UBR3: variants seen among roughly 807,000 people sequenced by gnomAD.
UBR3 encodes the protein ubiquitin protein ligase E3 component n-recognin 3.
A neutral mutation model predicts 243.2 loss-of-function variants in UBR3; 85 were observed. The ratio of observed to expected loss-of-function variants is 0.35; its 90% CI spans 0.29 to 0.42. The LOEUF (loss-of-function observed/expected upper bound fraction) is 0.42, where lower values mean the gene tolerates loss of function less well. Among genes scored for constraint, UBR3 ranks in the 10% least tolerant of loss-of-function variants. The pLI is 1.00. For missense variants in UBR3, 1,686 were observed against 2,300.8 expected (o/e 0.73, Z 5.47); for synonymous variants, 748 against 799.8 (o/e 0.94, Z 1.09).
chr2:170,075,975 T>C (rs748860933), intron 36 of UBR3, among the ~76,000 whole-genome samples: 7 of 150,896 alleles, frequency 4.6e-5, no homozygotes, highest in Non-Finnish European at 7.4e-5. Flanking sequence ...ATTGAAGAGC[T>C]TAACTGTCAT....
chr2:169,945,190 G>A (rs1254257821), intron 20 of UBR3, among the ~76,000 whole-genome samples: 1 of 151,424 alleles, frequency 6.6e-6, no homozygotes, highest in Non-Finnish European at 1.5e-5. Context: ...AGGGCTAGGA[G>A]GGGCTCTATA....
intron 1 of UBR3, among the ~76,000 whole-genome samples, chr2:169,851,116 C>T (rs2082641980): frequency 6.6e-6 from 1 of 152,034 alleles, no homozygotes; most frequent in African/African-American, 2.4e-5. Flanking sequence ...TACCACCTTG[C>T]TAATTTTTTC....
intron 26 of UBR3, 130 bp downstream of exon 26, chr2:169,994,586 T>C (rs558764418): frequency 3.0e-5 from 29 of 972,650 alleles, no homozygotes; most frequent in Non-Finnish European, 4.3e-5. Context: ...AAAAAATTAA[T>C]ATGTGGATAG....
intron 24 of UBR3, among the ~76,000 whole-genome samples, chr2:169,985,526 C>T (rs566675781): frequency 4.1e-4 from 63 of 152,018 alleles, no homozygotes; most frequent in Non-Finnish European, 7.2e-4. Context: ...CCACCATGCC[C>T]GGCCTCATAT....
At chr2:170,023,656 G>C (rs1177505397) in intron 30 of UBR3, among the ~76,000 whole-genome samples, 2 of 151,734 alleles carry the variant, frequency 1.3e-5, no homozygotes, top group South Asian at 4.2e-4. Context: ...CCAGTGGTAC[G>C]GTCTTAGCTC....
intron 25 of UBR3, among the ~76,000 whole-genome samples, chr2:169,993,950 C>T (rs1439043184): frequency 1.3e-5 from 2 of 152,262 alleles, no homozygotes; most frequent in African/African-American, 4.8e-5. Flanking sequence ...CAACCCCGGA[C>T]TCAGCTCTTT....
intron 32 of UBR3, among the ~76,000 whole-genome samples, chr2:170,046,029 C>T (rs1018433669): frequency 1.4e-5 from 2 of 146,188 alleles, no homozygotes; most frequent in Admixed American, 7.0e-5. Context: ...TGCAGTGGCA[C>T]GATCTCAGCT....
At chr2:170,026,082 A>G (rs1574415724) in intron 30 of UBR3, among the ~76,000 whole-genome samples, 2 of 151,620 alleles carry the variant, frequency 1.3e-5, no homozygotes, top group South Asian at 4.2e-4. Context: ...CTAATAAAGG[A>G]TGGCTTTTCC....
rs182635061 is a variant in UBR3 at position 170,048,252 on chromosome 2, C to T, written c.4661-7208C>T. Reference sequence around the variant, plus strand: ...TCCCTCTTTGCAATTTTACAATACACCCCTTCCCCAAAGCTGACCAGCATC... The same window carrying T: ...TCCCTCTTTGCAATTTTACAATACATCCCTTCCCCAAAGCTGACCAGCATC... On this transcript the variant is annotated intron_variant, in intron 32 of 38. Transcript: ENST00000272793. Among the ~76,000 whole-genome samples the T allele has an allele frequency of 4.7e-4, 72 of 152,208 alleles. 1 individual carries two copies. In the East Asian group the frequency reaches 0.012, roughly 26 times the overall value.
At chr2:169,884,428 G>A (rs530752623) in intron 5 of UBR3, among the ~76,000 whole-genome samples, 1 of 152,184 alleles carries the variant, frequency 6.6e-6, no homozygotes, top group African/African-American at 2.4e-5. Context: ...GTTTACAGGC[G>A]TGAGCCATGG....
At chr2:170,015,492 T>C (rs1559188996) in intron 30 of UBR3, 126 bp downstream of exon 30, 1 of 617,734 alleles carries the variant, frequency 1.6e-6, no homozygotes, top group Non-Finnish European at 2.7e-6. Context: ...GATAGTGATA[T>C]ATACTTTAAA....
chr2:169,919,539 G>A (rs1478543798), intron 11 of UBR3, among the ~76,000 whole-genome samples: 1 of 152,136 alleles, frequency 6.6e-6, no homozygotes, highest in Non-Finnish European at 1.5e-5. Flanking sequence ...TACAGAATGG[G>A]AGAAAATTTT....
intron 33 of UBR3, among the ~76,000 whole-genome samples, chr2:170,058,358 G>A (rs2091383048): frequency 6.6e-6 from 1 of 152,086 alleles, no homozygotes; most frequent in Non-Finnish European, 1.5e-5. Flanking sequence ...ATTTGATAAT[G>A]AGATTTAGTT....
chr2:169,948,080 T>TG (rs1491448101), intron 22 of UBR3: 2 of 65,890 alleles, frequency 3.0e-5, no homozygotes. Flanking sequence ...TTTATGTGTG[T>TG]TTTTTTTTTT....
At chr2:169,919,251 A>T (rs2085592556) in intron 11 of UBR3, among the ~76,000 whole-genome samples, 1 of 152,196 alleles carries the variant, frequency 6.6e-6, no homozygotes, top group African/African-American at 2.4e-5. Context: ...GGGAGTCATT[A>T]AAAGATTGTG....
intron 24 of UBR3, chr2:169,965,009 G>C (rs1377529721): frequency 4.4e-6 from 2 of 455,856 alleles, no homozygotes; most frequent in Non-Finnish European, 8.8e-6. Context: ...TGTTTATGTT[G>C]GCCATGGCCA....
At chr2:169,845,447 G>GTT (rs200597226) in intron 1 of UBR3, among the ~76,000 whole-genome samples, 256 of 138,210 alleles carry the variant, frequency 1.9e-3, no homozygotes, top group East Asian at 0.015. Context: ...GAAATTTTGA[G>GTT]TTTTTTTTTT....
At position 169,830,828 on chromosome 2, in the gene UBR3, G is replaced by A. The variant is rs139025185; in HGVS notation, c.545+2776G>A. Among the ~76,000 whole-genome samples the A allele has an allele frequency of 4.6e-3, 705 of 152,012 alleles. 7 individuals are homozygous for A. Among genetic ancestry groups the A allele is most frequent in the African/African-American group, 0.016 (660 of 41,478 alleles). ...GGGTTAGCATTTAGGAAAGCCTCCA[G>A]AGAACCTGAAGGTAGGAAATAACAC... is the stretch of plus-strand genomic sequence containing the variant. On this transcript the variant is annotated intron_variant, in intron 1 of 38. Transcript: ENST00000272793.
chr2:169,855,316 G>A (rs1574052757), intron 1 of UBR3, among the ~76,000 whole-genome samples: 1 of 151,854 alleles, frequency 6.6e-6, no homozygotes, highest in African/African-American at 2.4e-5. Flanking sequence ...CAGTATGAGA[G>A]TATCCATTAC....
Sources: allele counts gnomAD v4.1 joint callset (sites outside exome capture counted in the v4.1 genomes callset), GRCh38; gene constraint gnomAD v4.1.1; transcripts MANE v1.5; gene names NCBI Gene and HGNC (gene_info 2026-07-23, HGNC 2026-07-21).